The following APBA3 variants were observed in gnomAD, a reference collection of about 807,000 sequenced individuals.
The protein encoded by APBA3 is amyloid beta precursor protein binding family A member 3.
Under a neutral mutation model 55.9 loss-of-function variants are expected in APBA3, and 45 were observed. The ratio of observed to expected loss-of-function variants is 0.80; its 90% CI spans 0.63 to 1.03. APBA3 has a LOEUF of 1.03. Ranked by LOEUF, APBA3 falls within the 50% of genes least tolerant of loss-of-function variation. The pLI is 0.00. For missense variants in APBA3, 865 were observed against 820.3 expected (o/e 1.05, Z -0.67); for synonymous variants, 370 against 353.3 (o/e 1.05, Z -0.53).
At chr19:3,752,763 G>C in intron 7 of APBA3, 43 bp from the exon 8 acceptor site, 3 of 1,608,806 alleles carry the variant, frequency 1.9e-6, no homozygotes, top group Non-Finnish European at 1.7e-6. Flanking sequence ...GCAGGGCCCG[G>C]TGCAGGTGCA....
In APBA3 at chr19:3,759,305, C is replaced by T. The variant is rs138406457; in HGVS notation, c.616+256G>A. 8.2e-3 allele frequency among the ~76,000 whole-genome samples: 1,243 copies of T among 152,314 alleles called. 8 individuals are homozygous for T. The highest frequency in any genetic ancestry group is 0.017 in the Middle Eastern group (5 of 294). The stretch of plus-strand genomic sequence containing the variant: ...AGGCAGTGAGTTGGGTCTGGCCCGA[C>T]GACGATGATTTGCCAAGCCCGGTTC... On this transcript the variant is annotated intron_variant, in intron 3 of 10. Transcript: ENST00000316757.
intron 5 of APBA3, 26 bp downstream of exon 5, chr19:3,753,993 C>T: frequency 6.3e-7 from 1 of 1,597,116 alleles, no homozygotes. Flanking sequence ...CCACCCGCAT[C>T]CCTGGGGCGG....
At chr19:3,757,841 A>C (rs1278748471) in intron 3 of APBA3, among the ~76,000 whole-genome samples, 1 of 152,180 alleles carries the variant, frequency 6.6e-6, no homozygotes. Context: ...GCAGCTACTC[A>C]CCTCTGCCAT....
chr19:3,761,048 T>A (rs1411919621), intron 1 of APBA3, among the ~76,000 whole-genome samples: 1 of 152,114 alleles, frequency 6.6e-6, no homozygotes, highest in Admixed American at 6.5e-5. Flanking sequence ...GAAGTTAGGA[T>A]TCCCATTTTA....
chr19:3,752,882 C>T lies in APBA3; in HGVS notation c.1120G>A (p.Gly374Ser). 1 of 1,613,348 alleles carries T rather than the reference C, an allele frequency of 6.2e-7. No homozygotes were observed. The highest frequency in any genetic ancestry group is 1.7e-5 in the Admixed American group (1 of 60,030). The change falls in exon 7 of 11, where the codon GGC becomes AGC. Residue 374 changes from glycine (G) to serine (S), a missense_variant. By Grantham distance (56) the Gly-to-Ser change is moderately conservative (BLOSUM62 0). Coordinates refer to ENST00000316757, the MANE Select transcript of APBA3 (RefSeq NM_004886.4). The part of the protein sequence containing the change: ...PSQVGVHPSP[G>S]ACHLHNGDLD... ...TCCCCATTATGGAGGTGGCAGGCGC[C>T]TGGGCTCGGGTGCACGCCCACCTGG...
At chr19:3,751,354 G>A (rs1457502199) in intron 9 of APBA3, 25 bp from the exon 10 acceptor site, 2 of 1,520,692 alleles carry the variant, frequency 1.3e-6, no homozygotes, top group Admixed American at 2.0e-5. Context: ...AGGGGGACGG[G>A]AAAGAGGTGG....
chr19:3,759,458 G>T, intron 3 of APBA3, 103 bp downstream of exon 3: 13 of 1,215,450 alleles, frequency 1.1e-5, no homozygotes, highest in Non-Finnish European at 1.5e-5. Flanking sequence ...AGAGGCTCCC[G>T]AGAACCTCGT....
Position 3,761,557 on chromosome 19 carries a change from A to G in APBA3, c.-59T>C, listed in dbSNP as rs1039968770. 2 of 152,476 alleles carry G rather than the reference A, an allele frequency of 1.3e-5. No individual in the cohort carries two copies. Among genetic ancestry groups the G allele is most frequent in the Non-Finnish European group, 2.9e-5 (2 of 68,212 alleles). The allele number at this position is 152,476 out of a possible 1,614,324, so 9.4% of individuals were successfully genotyped here. On this transcript the variant is annotated 5_prime_UTR_variant, in exon 1 of 11. Transcript: ENST00000316757. Reference sequence around the variant, plus strand: ...TCACTTCCCAAATCGAGGCCGCCTCAGCCCCGCGCAGCCTCCAGGACCCCG... The same window carrying G: ...TCACTTCCCAAATCGAGGCCGCCTCGGCCCCGCGCAGCCTCCAGGACCCCG...
rs2037143045 is a variant in APBA3, at chr19:3,761,250, C to A, written c.-38+286G>T. The stretch of plus-strand genomic sequence containing the variant: ...TCACACCCTGACTCTACCGACTGGT[C>A]AGAGGCAGTTCCCCAAGACCCCAGA... On this transcript the variant is annotated intron_variant, in intron 1 of 10. Transcript: ENST00000316757. Among the ~76,000 whole-genome samples, 4 of 152,254 alleles carry A rather than the reference C, an allele frequency of 2.6e-5. No individual in the cohort carries two copies. The South Asian group carries it at 8.3e-4, about 32-fold the overall frequency.
Position 3,751,104 on chromosome 19 carries a change from A to C in APBA3, c.1657-7T>G. 1.9e-6 allele frequency: 3 copies of C among 1,566,360 alleles called. No homozygotes were observed. The highest frequency in any genetic ancestry group is 2.6e-6 in the Non-Finnish European group (3 of 1,155,244). Reference sequence around the variant, plus strand: ...GCATCGTCTTGATATGCACCTGGGGAGTGGAGGCGGAACGGGGCTCAGGGC... The same window carrying C: ...GCATCGTCTTGATATGCACCTGGGGCGTGGAGGCGGAACGGGGCTCAGGGC... On this transcript the variant is annotated splice_region_variant and splice_polypyrimidine_tract_variant and intron_variant, in intron 10 of 10. Coordinates refer to ENST00000316757, the MANE Select transcript of APBA3 (RefSeq NM_004886.4).
intron 8 of APBA3, chr19:3,751,926 A>G (rs1295843824): frequency 2.7e-5 from 7 of 254,924 alleles, no homozygotes; most frequent in Non-Finnish European, 4.5e-5. Context: ...ACTCAAAAAC[A>G]TGGCCAGGTG....
intron 4 of APBA3, 39 bp downstream of exon 4, chr19:3,754,156 C>T (rs777853566): frequency 1.9e-6 from 3 of 1,549,578 alleles, no homozygotes; most frequent in Non-Finnish European, 2.6e-6. Flanking sequence ...CAGCCTGCAG[C>T]CCACCCGCCT....
Position 3,759,791 on chromosome 19 carries a change from G to A in APBA3, c.474C>T (p.Ala158=), listed in dbSNP as rs1454626032. The change falls in exon 2 of 11, where the codon GCC becomes GCT. Residue 158 remains alanine, a synonymous_variant. Coordinates refer to ENST00000316757, the MANE Select transcript of APBA3 (RefSeq NM_004886.4). ...DSDSPEWVEG[A]SAEQEGSRSS... is the part of the protein sequence containing the mutation. ...TCCTGCTGCCCTCCTGCTCAGCAGAGGCCCCCTCCACCCATTCTGGGGAGT... is the reference window on the plus strand; with the variant it reads ...TCCTGCTGCCCTCCTGCTCAGCAGAAGCCCCCTCCACCCATTCTGGGGAGT... The A allele has an allele frequency of 1.7e-5, 27 of 1,612,560 alleles. No homozygotes were observed. The highest frequency in any genetic ancestry group is 2.1e-5 in the Non-Finnish European group (25 of 1,179,904).
chr19:3,752,766 C>T (rs1343895704), intron 7 of APBA3, 46 bp from the exon 8 acceptor site: 3 of 1,608,808 alleles, frequency 1.9e-6, no homozygotes, highest in Non-Finnish European at 2.5e-6. Context: ...GGGCCCGGTG[C>T]AGGTGCACGG....
chr19:3,757,756 A>AG (rs1237149631), intron 3 of APBA3, among the ~76,000 whole-genome samples: 1 of 152,154 alleles, frequency 6.6e-6, no homozygotes, highest in Non-Finnish European at 1.5e-5. Context: ...CTTTTAGGGC[A>AG]GGGCTTGGCA....
chr19:3,757,125 T>C (rs1044581263), intron 3 of APBA3, among the ~76,000 whole-genome samples: 1 of 151,746 alleles, frequency 6.6e-6, no homozygotes, highest in Non-Finnish European at 1.5e-5. Context: ...TTTTTTTTTC[T>C]TTTTTTTGAG....
At chr19:3,760,703 C>T (rs988448975) in intron 1 of APBA3, among the ~76,000 whole-genome samples, 17 of 149,382 alleles carry the variant, frequency 1.1e-4, no homozygotes, top group Admixed American at 9.4e-4. Flanking sequence ...GAGCTGAGAT[C>T]GCGCCATTGC....
chr19:3,755,566 G>GGT (rs542244310), intron 3 of APBA3: 11 of 141,646 alleles, frequency 7.8e-5, no homozygotes, highest in African/African-American at 2.3e-4. Context: ...GGCCGGGGGG[G>GGT]GGGGGTGGAT....
rs761117108 is a variant in APBA3, at chr19:3,759,692, G to C, written c.573C>G (p.Ala191=). 1 of 1,611,944 alleles carries C rather than the reference G, an allele frequency of 6.2e-7. No homozygotes were observed. The highest frequency in any genetic ancestry group is 1.1e-5 in the South Asian group (1 of 91,030). The change falls in exon 2 of 11, where the codon GCC becomes GCG. Residue 191 remains alanine, a synonymous_variant. Transcript: ENST00000316757. The part of the protein sequence containing the change: ...LVTPEEPPAG[A]QSPETLASYP... ...TGGAGGGCGGGGCGGGCACTACCTG[G>C]GCACCAGCGGGTGGCTCTTCAGGTG...
Sources: gnomAD v4.1 joint callset for allele counts (sites outside exome capture counted in the v4.1 genomes callset) on GRCh38, gnomAD v4.1.1 for gene constraint, MANE v1.5 for transcripts, NCBI Gene and HGNC (gene_info 2026-07-23, HGNC 2026-07-21) for gene names.